The following BAX variants were observed in gnomAD, a reference collection of about 807,000 sequenced individuals.
The protein encoded by BAX is apoptosis regulator BAX.
In BAX, 21 loss-of-function variants were observed where a neutral mutation model predicts 26.8. That is an observed-to-expected ratio of 0.78 (90% confidence interval 0.56 to 1.13). The LOEUF is 1.13. Among genes scored for constraint, BAX ranks in the 50% most tolerant of loss-of-function variants. The pLI is 0.00. For synonymous variants in BAX, 110 were observed against 101.8 expected, an observed-to-expected ratio of 1.08 and a Z score of -0.49; for missense variants, 236 against 254.6, an observed-to-expected ratio of 0.93 and a Z score of 0.50.
rs2038062917 is a variant in BAX at position 48,954,946 on chromosome 19, G to A, written c.18G>A (p.Glu6=). MDGSG[E]QPRGGGPTSS... is the part of the protein sequence containing the mutation. ...CGGCGGTGATGGACGGGTCCGGGGA[G>A]CAGCCCAGAGGCGGGGGTGAGGCGG... Residue 6 remains glutamate (E), a synonymous_variant, in exon 1 of 6, where the codon GAG becomes GAA. Transcript: ENST00000345358. The A allele has an allele frequency of 1.6e-6, 2 of 1,245,572 alleles. No homozygotes were observed. Among genetic ancestry groups the A allele is most frequent in the Non-Finnish European group, 2.0e-6 (2 of 993,696 alleles). The allele number at this position is 1,245,572 out of a possible 1,614,324, so 77.2% of individuals were successfully genotyped here.
intron 4 of BAX, among the ~76,000 whole-genome samples, chr19:48,956,931 C>T (rs940503690): frequency 2.7e-5 from 4 of 149,442 alleles, no homozygotes; most frequent in Non-Finnish European, 4.4e-5. Flanking sequence ...CTTGGCCTCC[C>T]AAAGTGCTGG....
intron 5 of BAX, 188 bp downstream of exon 5, chr19:48,961,102 T>G (rs1001314589): frequency 6.3e-7 from 1 of 1,576,356 alleles, no homozygotes; most frequent in Non-Finnish European, 8.6e-7. Context: ...GTCTGATCAA[T>G]CCCCGATTCA....
At position 48,955,836 on chromosome 19, in the gene BAX, G is replaced by C; in HGVS notation, c.233+3G>C. Reference sequence around the variant, plus strand: ...GACAGTAACATGGAGCTGCAGAGGTGTGGGCCCCTGAGGACCCAGAAGTCC... The same window carrying C: ...GACAGTAACATGGAGCTGCAGAGGTCTGGGCCCCTGAGGACCCAGAAGTCC... On this transcript the variant is annotated splice_donor_region_variant and intron_variant, in intron 3 of 5. Coordinates refer to ENST00000345358, the MANE Select transcript of BAX (RefSeq NM_138761.4). The C allele has an allele frequency of 6.3e-7, 1 of 1,580,410 alleles. No homozygotes were observed. The highest frequency in any genetic ancestry group is 8.6e-7 in the Non-Finnish European group (1 of 1,161,038).
rs923364302 is a variant in BAX at position 48,961,408 on chromosome 19, C to G, written c.475-124C>G. 2.6e-6 allele frequency: 3 copies of G among 1,167,774 alleles called. No homozygotes were observed. In the African/African-American group the frequency reaches 4.6e-5, roughly 18 times the overall value. 72.3% of individuals were successfully genotyped at this position (1,167,774 alleles called of 1,614,324 possible). The stretch of plus-strand genomic sequence containing the variant: ...GGCCTGAGTCCAGCTCTTTAATGCC[C>G]GTTCATCTCAGTCCCCTGCCCGCAA... On this transcript the variant is annotated intron_variant, in intron 5 of 5. Transcript: ENST00000345358.
At chr19:48,959,349 C>CAAA (rs71179067) in intron 4 of BAX, among the ~76,000 whole-genome samples, 17 of 73,028 alleles carry the variant, frequency 2.3e-4, no homozygotes, top group Admixed American at 3.5e-4. Flanking sequence ...GACTCCGTCT[C>CAAA]AAAAAAAAAA....
intron 3 of BAX, 109 bp from the exon 4 acceptor site, chr19:48,956,089 G>C (rs2038117550): frequency 1.5e-6 from 2 of 1,367,760 alleles, no homozygotes; most frequent in Non-Finnish European, 1.9e-6. Context: ...TTTCATTTCA[G>C]CCTGGCTTGG....
At chr19:48,960,746 GGGCCACTATCTCCA>G in intron 4 of BAX, 50 bp from the exon 5 acceptor site, 3 of 1,354,648 alleles carry the variant, frequency 2.2e-6, no homozygotes, top group Non-Finnish European at 3.1e-6. Context: ...AGGAGGTTTG[GGGCCACTATCTCCA>G]GGCAGTGGGG....
rs1165300823 is a variant in BAX, at chr19:48,956,332, A to G, written c.368A>G (p.Lys123Arg). The G allele has an allele frequency of 6.4e-7, 1 of 1,561,654 alleles. No individual in the cohort carries two copies. The highest frequency in any genetic ancestry group is 8.7e-7 in the Non-Finnish European group (1 of 1,153,822). ...LFYFASKLVL[K>R]ALCTKVPELI... is the part of the protein sequence containing the mutation. Reference sequence around the variant, plus strand: ...TACTTTGCCAGCAAACTGGTGCTCAAGGTGGGCAGCTGCAGGGCAGTGAGC... The same window carrying G: ...TACTTTGCCAGCAAACTGGTGCTCAGGGTGGGCAGCTGCAGGGCAGTGAGC... The change falls in exon 4 of 6, where the codon AAG becomes AGG. Residue 123 changes from lysine to arginine, a missense_variant and splice_region_variant. Physicochemically the swap from Lys to Arg is conservative, Grantham distance 26. Coordinates refer to ENST00000345358, the MANE Select transcript of BAX (RefSeq NM_138761.4).
Position 48,961,045 on chromosome 19 carries a change from C to G in BAX, c.474+131C>G, listed in dbSNP as rs759411396. On this transcript the variant is annotated intron_variant, in intron 5 of 5. Coordinates refer to ENST00000345358, the MANE Select transcript of BAX (RefSeq NM_138761.4). Reference sequence around the variant, plus strand: ...AGCAGGTCACAGTGGTGCCCTCTCCCCATCTTCAGATCATCAGATGTGGTC... The same window carrying G: ...AGCAGGTCACAGTGGTGCCCTCTCCGCATCTTCAGATCATCAGATGTGGTC... 8.7e-6 allele frequency: 14 copies of G among 1,611,170 alleles called. 1 individual carries two copies. The East Asian group carries it at 3.1e-4, about 36-fold the overall frequency.
intron 2 of BAX, 31 bp from the exon 3 acceptor site, chr19:48,955,656 A>C (rs1233157167): frequency 6.2e-7 from 1 of 1,612,096 alleles, no homozygotes; most frequent in Non-Finnish European, 8.5e-7. Flanking sequence ...CCCCGTTCTG[A>C]TTCTGCACCC....
At chr19:48,961,191 C>T in intron 5 of BAX, 1 of 1,497,372 alleles carries the variant, frequency 6.7e-7, no homozygotes, top group Non-Finnish European at 8.9e-7. Context: ...CTCCCTGGAG[C>T]CTCCACTGCC....
chr19:48,959,000 G>A (rs1382058051), intron 4 of BAX, among the ~76,000 whole-genome samples: 1 of 152,110 alleles, frequency 6.6e-6, no homozygotes, highest in African/African-American at 2.4e-5. Context: ...AGAAGTCTTG[G>A]GAGTTGGGAG....
intron 4 of BAX, among the ~76,000 whole-genome samples, chr19:48,956,631 G>A (rs2038143340): frequency 6.6e-6 from 1 of 151,646 alleles, no homozygotes; most frequent in Non-Finnish European, 1.5e-5. Context: ...TGATTTAGCA[G>A]AGTGGTCAGG....
At chr19:48,961,108 A>C in intron 5 of BAX, 194 bp downstream of exon 5, 1 of 1,571,258 alleles carries the variant, frequency 6.4e-7, no homozygotes, top group Non-Finnish European at 8.6e-7. Flanking sequence ...TCAATCCCCG[A>C]TTCATCTACC....
intron 4 of BAX, 93 bp from the exon 5 acceptor site, chr19:48,960,717 G>C: frequency 9.0e-7 from 1 of 1,109,782 alleles, no homozygotes. Context: ...ATCTTTGAGG[G>C]GAGGCAAAGA....
chr19:48,961,561 C>T lies in BAX; in HGVS notation c.504C>T (p.Pro168=), dbSNP rs964963858. The part of the protein sequence containing the change: ...WDGLLSYFGT[P]TWQTVTIFVA... The stretch of plus-strand genomic sequence containing the variant: ...GCCTCCTCTCCTACTTTGGGACGCC[C>T]ACGTGGCAGACCGTGACCATCTTTG... Residue 168 remains proline (P), a synonymous_variant, in exon 6 of 6, where the codon CCC becomes CCT. Coordinates refer to ENST00000345358, the MANE Select transcript of BAX (RefSeq NM_138761.4). 1 of 1,611,334 alleles carries T rather than the reference C, an allele frequency of 6.2e-7. No homozygotes were observed. Among genetic ancestry groups the T allele is most frequent in the Admixed American group, 1.7e-5 (1 of 59,720 alleles).
In BAX at chr19:48,956,341, G is replaced by A. The variant is rs754460156; in HGVS notation, c.369+8G>A. On this transcript the variant is annotated splice_region_variant and intron_variant, in intron 4 of 5. Coordinates refer to ENST00000345358, the MANE Select transcript of BAX (RefSeq NM_138761.4). ...AGCAAACTGGTGCTCAAGGTGGGCA[G>A]CTGCAGGGCAGTGAGCCCAGGGATG... is the stretch of plus-strand genomic sequence containing the variant. 2 of 1,550,388 alleles carry A rather than the reference G, an allele frequency of 1.3e-6. No individual in the cohort carries two copies. Among genetic ancestry groups the A allele is most frequent in the South Asian group, 2.4e-5 (2 of 82,636 alleles).
At chr19:48,960,710 T>A in intron 4 of BAX, 100 bp from the exon 5 acceptor site, 1 of 1,088,110 alleles carries the variant, frequency 9.2e-7, no homozygotes. Context: ...GGCAGAAATC[T>A]TTGAGGGGAG....
Position 48,961,201 on chromosome 19 carries a change from C to T in BAX, c.474+287C>T, listed in dbSNP as rs538863351. ...CTGCCCTCCCTGGAGCCTCCACTGC[C>T]TCTGGAATTGCTCAAGTTCATTGAT... On this transcript the variant is annotated intron_variant, in intron 5 of 5. Coordinates refer to ENST00000345358, the MANE Select transcript of BAX (RefSeq NM_138761.4). The T allele has an allele frequency of 5.4e-6, 8 of 1,487,176 alleles. No homozygotes were observed. In the Admixed American group the frequency reaches 1.7e-4, roughly 32 times the overall value. 92.1% of individuals were successfully genotyped at this position (1,487,176 alleles called of 1,614,324 possible).
Sources: allele counts gnomAD v4.1 joint callset (sites outside exome capture counted in the v4.1 genomes callset), GRCh38; gene constraint gnomAD v4.1.1; transcripts MANE v1.5; gene names NCBI Gene and HGNC (gene_info 2026-07-23, HGNC 2026-07-21).